IFT46: variants seen among roughly 807,000 people sequenced by gnomAD.
IFT46 encodes intraflagellar transport 46, also known as intraflagellar transport protein 46 homolog.
A neutral mutation model predicts 39.6 loss-of-function variants in IFT46; 19 were observed. The ratio of observed to expected loss-of-function variants is 0.48; its 90% confidence interval spans 0.33 to 0.70. The LOEUF is 0.70. Among genes scored for constraint, IFT46 ranks in the 30% least tolerant of loss-of-function variants. The pLI, the probability that IFT46 is intolerant of heterozygous loss-of-function variation, is 0.01. For synonymous variants in IFT46, 117 were observed against 134.8 expected (o/e 0.87, Z 0.91); for missense variants, 334 against 364.8 (o/e 0.92, Z 0.69).
At chr11:118,555,362 A>C (rs1555069294) in intron 4 of IFT46, 40 bp from the exon 5 acceptor site, 1 of 1,521,254 alleles carries the variant, frequency 6.6e-7, no homozygotes, top group African/African-American at 1.4e-5. Flanking sequence ...TGGCCAGAGA[A>C]GAGCAGAGGT....
chr11:118,562,819 A>G (rs1000823802), intron 2 of IFT46, among the ~76,000 whole-genome samples: 1 of 152,226 alleles, frequency 6.6e-6, no homozygotes, highest in African/African-American at 2.4e-5. Flanking sequence ...TAATCCCAAC[A>G]CTTTGGGAGG....
intron 9 of IFT46, among the ~76,000 whole-genome samples, chr11:118,549,240 A>G (rs1555067891): frequency 7.3e-6 from 1 of 137,722 alleles, no homozygotes; most frequent in Non-Finnish European, 1.6e-5. Context: ...AGAGTCTCCT[A>G]TTGTTGCCCA....
At chr11:118,546,931 C>CTTG (rs1951700880) in intron 9 of IFT46, 1 of 108,076 alleles carries the variant, frequency 9.3e-6, no homozygotes, top group African/African-American at 3.5e-5. Context: ...TTTCTTAAAA[C>CTTG]TTTTCTCTTT....
At chr11:118,548,260 A>G (rs1555067685) in intron 9 of IFT46, among the ~76,000 whole-genome samples, 1 of 148,980 alleles carries the variant, frequency 6.7e-6, no homozygotes, top group Non-Finnish European at 1.5e-5. Context: ...TATATAAAAT[A>G]TTTTTTCTCA....
intron 1 of IFT46, among the ~76,000 whole-genome samples, chr11:118,571,373 T>C (rs1555072342): frequency 6.6e-6 from 1 of 152,262 alleles, no homozygotes; most frequent in Admixed American, 6.5e-5. Context: ...TTGGCTACTA[T>C]GAATAATGCT....
upstream of IFT46, among the ~76,000 whole-genome samples, chr11:118,575,706 G>A (rs1270405745): frequency 1.3e-5 from 2 of 152,174 alleles, no homozygotes; most frequent in African/African-American, 4.8e-5. Flanking sequence ...AAAGGAGAAG[G>A]TGACTATAAT....
intron 4 of IFT46, 55 bp from the exon 5 acceptor site, chr11:118,555,377 GGGTCCTAGGTGCT>G (rs1457418766): frequency 1.4e-5 from 19 of 1,345,932 alleles, no homozygotes; most frequent in Non-Finnish European, 1.9e-5. Context: ...AGAGGTGGCA[GGGTCCTAGGTGCT>G]GGTGTGTTAC....
chr11:118,563,496 T>A (rs782437609), intron 2 of IFT46, among the ~76,000 whole-genome samples: 8 of 152,132 alleles, frequency 5.3e-5, no homozygotes, highest in Non-Finnish European at 1.0e-4. Flanking sequence ...CTAACTCGAG[T>A]CAAATCCAAT....
intron 2 of IFT46, among the ~76,000 whole-genome samples, chr11:118,561,818 C>T (rs144137405): frequency 8.3e-4 from 126 of 152,248 alleles, no homozygotes; most frequent in Non-Finnish European, 1.3e-3. Context: ...AAGATAAGAG[C>T]AATTTTTAAA....
chr11:118,564,439 G>C (rs1197340352), intron 2 of IFT46, among the ~76,000 whole-genome samples: 1 of 152,014 alleles, frequency 6.6e-6, no homozygotes, highest in African/African-American at 2.4e-5. Flanking sequence ...GGCCAGACAC[G>C]ATGGCTCACA....
intron 1 of IFT46, chr11:118,572,531 C>G (rs567714111): frequency 6.2e-7 from 1 of 1,611,452 alleles, no homozygotes; most frequent in African/African-American, 1.3e-5. Flanking sequence ...CGGGCGCGCC[C>G]CACCACCGCC....
upstream of IFT46, among the ~76,000 whole-genome samples, chr11:118,575,062 T>C (rs980472448): frequency 7.9e-5 from 12 of 152,210 alleles, no homozygotes; most frequent in African/African-American, 2.9e-4. Flanking sequence ...CACTGCAACT[T>C]CTGCCTCCCG....
chr11:118,545,581 C>A, intron 10 of IFT46, 87 bp from the exon 11 acceptor site: 1 of 1,217,016 alleles, frequency 8.2e-7, no homozygotes, highest in Non-Finnish European at 1.2e-6. Context: ...AAAGCCCTGG[C>A]AGATGGGGTG....
At chr11:118,552,166 G>A (rs201999576) in intron 8 of IFT46, 48 bp downstream of exon 8, 29 of 1,607,296 alleles carry the variant, frequency 1.8e-5, no homozygotes, top group Non-Finnish European at 2.3e-5. Flanking sequence ...TTCACAGGTA[G>A]TGAAGGTTAC....
intron 3 of IFT46, chr11:118,557,877 C>T (rs149363729): frequency 3.9e-5 from 62 of 1,602,678 alleles, no homozygotes; most frequent in Non-Finnish European, 4.8e-5. Context: ...CTGTGGCATG[C>T]CCTCCCTTAG....
upstream of IFT46, among the ~76,000 whole-genome samples, chr11:118,567,085 A>G (rs557446842): frequency 6.6e-6 from 1 of 151,006 alleles, no homozygotes; most frequent in African/African-American, 2.4e-5. Flanking sequence ...TATTAAAAAT[A>G]AAAAAAAAAT....
intron 9 of IFT46, among the ~76,000 whole-genome samples, chr11:118,548,893 C>CT (rs570165873): frequency 0.039 from 5,258 of 135,416 alleles, 108 homozygotes; most frequent in Middle Eastern, 0.079. Flanking sequence ...TCCATTATGA[C>CT]TTTTTTTTTT....
At chr11:118,564,765 A>G (rs780695463) in intron 2 of IFT46, among the ~76,000 whole-genome samples, 200 bp downstream of exon 2, 3 of 152,218 alleles carry the variant, frequency 2.0e-5, no homozygotes, top group Non-Finnish European at 4.4e-5. Context: ...GTAAATGGTG[A>G]CAGGGTTGGA....
chr11:118,546,872 C>A (rs1290334862), intron 9 of IFT46: 1 of 152,214 alleles, frequency 6.6e-6, no homozygotes, highest in Admixed American at 6.5e-5. Flanking sequence ...ACTCAGGTAA[C>A]AGGCTCTGGA....
Sources: allele counts gnomAD v4.1 joint callset (sites outside exome capture counted in the v4.1 genomes callset), GRCh38; gene constraint gnomAD v4.1.1; transcripts MANE v1.5; gene names NCBI Gene and HGNC (gene_info 2026-07-23, HGNC 2026-07-21).